Variants in ADCY2 observed in about 807,000 individuals in gnomAD.
ADCY2 encodes adenylate cyclase 2.
In ADCY2, 31 loss-of-function variants were observed where a neutral mutation model predicts 125.2. The ratio of observed to expected loss-of-function variants is 0.25; its 90% CI spans 0.19 to 0.33. The LOEUF (loss-of-function observed/expected upper bound fraction) is 0.33, where lower values mean the gene tolerates loss of function less well. Ranked by LOEUF, ADCY2 falls within the 10% of genes least tolerant of loss-of-function variation. ADCY2 has a pLI of 1.00. For synonymous variants in ADCY2, 512 were observed against 548.4 expected, an observed-to-expected ratio of 0.93 and a Z score of 0.93; for missense variants, 904 against 1,418.2, an observed-to-expected ratio of 0.64 and a Z score of 5.82.
intron 14 of ADCY2, among the ~76,000 whole-genome samples, chr5:7,727,528 T>C (rs536494134): frequency 5.8e-4 from 88 of 152,276 alleles, no homozygotes; most frequent in Admixed American, 9.8e-4. Flanking sequence ...TTGATGTTGG[T>C]ATTACTCTGA....
chr5:7,705,514 A>G (rs1033493157), intron 7 of ADCY2, among the ~76,000 whole-genome samples: 1 of 151,066 alleles, frequency 6.6e-6, no homozygotes, highest in Non-Finnish European at 1.5e-5. Context: ...GCTTGGGGGC[A>G]TGGGGAGCAG....
intron 2 of ADCY2, among the ~76,000 whole-genome samples, chr5:7,472,007 T>C (rs1254589643): frequency 6.6e-6 from 1 of 152,144 alleles, no homozygotes; most frequent in East Asian, 1.9e-4. Flanking sequence ...TTGAAATTGA[T>C]GTGTTTGGAT....
chr5:7,791,296 G>A (rs1489577942), intron 20 of ADCY2, among the ~76,000 whole-genome samples: 3 of 151,986 alleles, frequency 2.0e-5, no homozygotes, highest in Non-Finnish European at 4.4e-5. Context: ...CTGAGGCATG[G>A]GAGTGCATGC....
intron 22 of ADCY2, among the ~76,000 whole-genome samples, chr5:7,808,291 G>T (rs1744819751): frequency 6.6e-6 from 1 of 152,166 alleles, no homozygotes; most frequent in South Asian, 2.1e-4. Context: ...TATGTGTTAT[G>T]CAGTGGCCTT....
At chr5:7,750,326 A>G (rs548373234) in intron 15 of ADCY2, among the ~76,000 whole-genome samples, 2 of 152,292 alleles carry the variant, frequency 1.3e-5, no homozygotes, top group East Asian at 1.9e-4. Flanking sequence ...AAAGTATATT[A>G]TTAATAATAT....
Position 7,505,181 on chromosome 5 carries a change from G to A in ADCY2, c.409-15557G>A, listed in dbSNP as rs570629362. ...TTACAGGTGTGAGCCACCGTGCCTG[G>A]CCTGAAGTGATTTTAAAGTAATGCA... On this transcript the variant is annotated intron_variant, in intron 2 of 24. Transcript: ENST00000338316. Among the ~76,000 whole-genome samples the A allele has an allele frequency of 1.1e-4, 16 of 152,278 alleles. No homozygotes were observed. In the South Asian group the frequency reaches 3.3e-3, roughly 32 times the overall value.
intron 2 of ADCY2, among the ~76,000 whole-genome samples, chr5:7,519,447 T>C (rs1744366280): frequency 6.6e-6 from 1 of 152,164 alleles, no homozygotes; most frequent in South Asian, 2.1e-4. Context: ...TCCCTTCTGC[T>C]TGGAGTCAAG....
chr5:7,769,142 G>C (rs1222764789), intron 17 of ADCY2, among the ~76,000 whole-genome samples: 1 of 152,074 alleles, frequency 6.6e-6, no homozygotes, highest in African/African-American at 2.4e-5. Context: ...AAAAGCACAA[G>C]ACAGACACAC....
chr5:7,516,065 G>A (rs1744243336), intron 2 of ADCY2, among the ~76,000 whole-genome samples: 11 of 152,120 alleles, frequency 7.2e-5, no homozygotes, highest in Admixed American at 7.2e-4. Flanking sequence ...TTAGAGAAAG[G>A]ATGGTGTTGG....
intron 2 of ADCY2, among the ~76,000 whole-genome samples, chr5:7,420,226 G>C (rs1026631830): frequency 6.6e-6 from 1 of 152,176 alleles, no homozygotes; most frequent in African/African-American, 2.4e-5. Flanking sequence ...AGCCTGAGAA[G>C]CCGCATATCA....
chr5:7,647,102 C>T (rs1738926102), intron 4 of ADCY2, among the ~76,000 whole-genome samples: 1 of 152,206 alleles, frequency 6.6e-6, no homozygotes. Context: ...TGAGCAGACT[C>T]TTTCCTTGTC....
intron 2 of ADCY2, among the ~76,000 whole-genome samples, chr5:7,433,407 A>G (rs1056803450): frequency 3.9e-5 from 6 of 152,168 alleles, no homozygotes; most frequent in Non-Finnish European, 7.3e-5. Context: ...AAAAAACCAT[A>G]CATGGTTTGT....
At chr5:7,778,033 A>G (rs566497684) in intron 18 of ADCY2, among the ~76,000 whole-genome samples, 8 of 152,310 alleles carry the variant, frequency 5.3e-5, no homozygotes, top group African/African-American at 1.9e-4. Flanking sequence ...GCAGTCCTCC[A>G]TATTGTCTGT....
chr5:7,622,139 C>T (rs567849052), intron 3 of ADCY2, among the ~76,000 whole-genome samples: 25 of 152,262 alleles, frequency 1.6e-4, no homozygotes, highest in Middle Eastern at 3.4e-3. Flanking sequence ...GATTGTTTGT[C>T]AGAGGTTCTG....
chr5:7,574,404 A>C (rs1313682221), intron 3 of ADCY2, among the ~76,000 whole-genome samples: 1 of 152,098 alleles, frequency 6.6e-6, no homozygotes, highest in East Asian at 1.9e-4. Flanking sequence ...CTATTTCTCC[A>C]GGGTTGATTT....
chr5:7,410,951 A>G (rs1041273413), intron 1 of ADCY2, among the ~76,000 whole-genome samples: 6 of 151,982 alleles, frequency 3.9e-5, no homozygotes, highest in African/African-American at 1.2e-4. Flanking sequence ...AGGAGAGAGG[A>G]GAAGCTGTCA....
intron 2 of ADCY2, among the ~76,000 whole-genome samples, chr5:7,447,839 A>C: frequency 6.6e-6 from 1 of 152,312 alleles, no homozygotes; most frequent in South Asian, 2.1e-4. Context: ...AAAATCCAGA[A>C]GAAAAGTGTC....
chr5:7,661,403 C>T (rs1324375448), intron 4 of ADCY2, among the ~76,000 whole-genome samples: 1 of 151,952 alleles, frequency 6.6e-6, no homozygotes, highest in African/African-American at 2.4e-5. Context: ...ACAAAAGAAC[C>T]ACAAGACAAA....
intron 4 of ADCY2, among the ~76,000 whole-genome samples, chr5:7,661,786 C>T (rs1263603946): frequency 1.3e-5 from 2 of 152,160 alleles, no homozygotes; most frequent in Non-Finnish European, 2.9e-5. Flanking sequence ...ATTTAAGACT[C>T]ATTGAATCTT....
Sources: gnomAD v4.1 joint callset for allele counts (sites outside exome capture counted in the v4.1 genomes callset) on GRCh38, gnomAD v4.1.1 for gene constraint, MANE v1.5 for transcripts, NCBI Gene and HGNC (gene_info 2026-07-23, HGNC 2026-07-21) for gene names.